HEATR1: variants seen among roughly 807,000 people sequenced by gnomAD.
The protein encoded by HEATR1 is HEAT repeat containing 1.
In HEATR1, 77 loss-of-function variants were observed where a neutral mutation model predicts 248.2. The observed-to-expected ratio is 0.31, with a 90% confidence interval of 0.26 to 0.37. The LOEUF (loss-of-function observed/expected upper bound fraction) is 0.37. Ranked by LOEUF, HEATR1 falls within the 10% of genes least tolerant of loss-of-function variation. HEATR1 has a pLI of 1.00. For synonymous variants in HEATR1, 897 were observed against 923.1 expected, an observed-to-expected ratio of 0.97 and a Z score of 0.51; for missense variants, 2,420 against 2,504.9, an observed-to-expected ratio of 0.97 and a Z score of 0.72.
chr1:236,587,253 AAG>A (rs1257028706), intron 14 of HEATR1, 147 bp downstream of exon 14: 1 of 385,430 alleles, frequency 2.6e-6, no homozygotes, highest in Non-Finnish European at 4.8e-6. Flanking sequence ...TGTATAATGA[AAG>A]AGAGTATTAC....
In HEATR1 at chr1:236,558,566, C is replaced by T. The variant is rs115286924; in HGVS notation, c.4912-37G>A. On this transcript the variant is annotated intron_variant, in intron 35 of 44. Coordinates refer to ENST00000366582, the MANE Select transcript of HEATR1 (RefSeq NM_018072.6). The stretch of plus-strand genomic sequence containing the variant: ...AGCCAGAATCCCCAAATCATTAAAG[C>T]TGCAAAAAATGTTTGTCCATTTTCC... 1.1e-3 allele frequency: 1,740 copies of T among 1,562,700 alleles called. 9 individuals carry two copies. The African/African-American group carries it at 0.016, about 15-fold the overall frequency.
chr1:236,558,083 C>T lies in HEATR1; in HGVS notation c.5204+154G>A, dbSNP rs183133112. Among the ~76,000 whole-genome samples the T allele has an allele frequency of 6.9e-4, 105 of 152,082 alleles. 1 individual carries two copies. The highest frequency in any genetic ancestry group is 2.2e-3 in the African/African-American group (90 of 41,494). ...CCTCCCAAAGTGGTGGGATCACAGC[C>T]GTGAGCCACCACACCCTGCAAGATC... On this transcript the variant is annotated intron_variant, in intron 36 of 44. Transcript: ENST00000366582.
intron 26 of HEATR1, 52 bp downstream of exon 26, chr1:236,572,359 G>A (rs553609207): frequency 3.8e-6 from 6 of 1,559,156 alleles, no homozygotes; most frequent in Admixed American, 1.8e-5. Context: ...TAGATAAGAT[G>A]GGCAAGAATT....
At chr1:236,596,737 A>G (rs900268071) in intron 6 of HEATR1, 99 bp downstream of exon 6, 11 of 1,163,906 alleles carry the variant, frequency 9.5e-6, no homozygotes, top group Non-Finnish European at 1.3e-5. Context: ...TCTGAAATAA[A>G]CTGTCAATTT....
At chr1:236,600,558 G>A (rs1156360460) in intron 3 of HEATR1, among the ~76,000 whole-genome samples, 2 of 146,452 alleles carry the variant, frequency 1.4e-5, no homozygotes. Context: ...TTTTTCCAGA[G>A]TCTACTTGGT....
chr1:236,591,087 A>G (rs138976998), intron 11 of HEATR1, 133 bp from the exon 12 acceptor site: 21 of 417,048 alleles, frequency 5.0e-5, no homozygotes, highest in Middle Eastern at 5.5e-4. Context: ...CAGAAAACAA[A>G]CAAAAAAATG....
intron 3 of HEATR1, 191 bp downstream of exon 3, chr1:236,602,969 G>T (rs935757362): frequency 1.4e-5 from 8 of 581,602 alleles, no homozygotes; most frequent in Non-Finnish European, 2.4e-5. Flanking sequence ...ATCACCAGTA[G>T]TTCTACTTTT....
chr1:236,604,352 G>T (rs2102804963), intron 1 of HEATR1, 70 bp downstream of exon 1: 1 of 372,108 alleles, frequency 2.7e-6, no homozygotes, highest in Middle Eastern at 7.0e-4. Context: ...CAGATATCCG[G>T]AAAACTCTTA....
Position 236,581,393 on chromosome 1 carries a change from G to C in HEATR1, c.2584C>G (p.Gln862Glu). 2.0e-6 allele frequency: 3 copies of C among 1,497,758 alleles called. No individual in the cohort carries two copies. The highest frequency in any genetic ancestry group is 2.7e-6 in the Non-Finnish European group (3 of 1,124,116). The allele number at this position is 1,497,758 out of a possible 1,614,324, so 92.8% of individuals were successfully genotyped here. Reference sequence around the variant, plus strand: ...AAAACAGAACAGAACTTGAATAACTGAAAAACATCTTCTAGATGCACCTAA... The same window carrying C: ...AAAACAGAACAGAACTTGAATAACTCAAAAACATCTTCTAGATGCACCTAA... ...FIKVHLEDVF[Q>E]LFKFCSVLWT... Residue 862 changes from glutamine (Q) to glutamate (E), a missense_variant, in exon 20 of 45, where the codon CAG becomes GAG. By Grantham distance (29) the Gln-to-Glu change is conservative. Transcript: ENST00000366582.
chr1:236,586,156 A>G, intron 15 of HEATR1, 85 bp downstream of exon 15: 1 of 1,287,732 alleles, frequency 7.8e-7, no homozygotes, highest in Non-Finnish European at 1.1e-6. Flanking sequence ...GCATATAAGC[A>G]TGACCAACAA....
At chr1:236,569,638 T>G (rs2103132782) in intron 28 of HEATR1, among the ~76,000 whole-genome samples, 1 of 152,270 alleles carries the variant, frequency 6.6e-6, no homozygotes, top group Non-Finnish European at 1.5e-5. Context: ...CAGTAACAAG[T>G]ACTGGCAAGG....
intron 33 of HEATR1, 61 bp downstream of exon 33, chr1:236,561,164 G>C (rs1007152105): frequency 1.7e-6 from 2 of 1,186,884 alleles, no homozygotes; most frequent in Non-Finnish European, 1.2e-6. Flanking sequence ...TGTTTTTCCA[G>C]GTTTTCTATA....
rs969497847 is a variant in HEATR1, at chr1:236,598,045, T to C, written c.502-66A>G. The C allele has an allele frequency of 1.5e-5, 15 of 1,000,000 alleles. No homozygotes were observed. The African/African-American group carries it at 2.2e-4, about 15-fold the overall frequency. The allele number at this position is 1,000,000 out of a possible 1,614,324, so 61.9% of individuals were successfully genotyped here. On this transcript the variant is annotated intron_variant, in intron 4 of 44. Transcript: ENST00000366582. Reference sequence around the variant, plus strand: ...CAACTGATCCTTATTTTAAAGCATTTACCCTAGTAATGTCTTCATACTGCT... The same window carrying C: ...CAACTGATCCTTATTTTAAAGCATTCACCCTAGTAATGTCTTCATACTGCT...
rs1572034573 is a variant in HEATR1, at chr1:236,561,355, C to T, written c.4600-84G>A. 5 of 1,045,658 alleles carry T rather than the reference C, an allele frequency of 4.8e-6. No homozygotes were observed. The East Asian group carries it at 1.2e-4, about 25-fold the overall frequency. The allele number at this position is 1,045,658 out of a possible 1,614,324, so 64.8% of individuals were successfully genotyped here. A position where few individuals can be genotyped will look rare whatever the true frequency, so the allele number is the denominator to read the frequency against. On this transcript the variant is annotated intron_variant, in intron 32 of 44. Coordinates refer to ENST00000366582, the MANE Select transcript of HEATR1 (RefSeq NM_018072.6). ...CAAGTCAGTTCAATGAAACTCGGAC[C>T]ATTCACTGAAACCTTCCACAGCAAC...
At chr1:236,579,268 C>T (rs1392376955) in intron 20 of HEATR1, among the ~76,000 whole-genome samples, 1 of 152,226 alleles carries the variant, frequency 6.6e-6, no homozygotes, top group Non-Finnish European at 1.5e-5. Context: ...CCCCCTGCAG[C>T]TGCAATGTAT....
At position 236,550,952 on chromosome 1, in the gene HEATR1, T is replaced by C. The variant is rs769374782; in HGVS notation, c.6385A>G (p.Ile2129Val). ...CCCAGGACAGTTTCCAGTTGCTGAA[T>C]AGTCTTTTGGCACTGATGTTCTACT... is the stretch of plus-strand genomic sequence containing the variant. ...EEVEHQCQKT[I>V]QQLETVLGEP... Residue 2129 changes from isoleucine (I) to valine (V), a missense_variant, in exon 45 of 45, where the codon ATT becomes GTT. Transcript: ENST00000366582. The C allele has an allele frequency of 3.1e-6, 5 of 1,605,974 alleles. No homozygotes were observed. The South Asian group carries it at 5.6e-5, about 18-fold the overall frequency.
intron 20 of HEATR1, among the ~76,000 whole-genome samples, chr1:236,580,680 C>CTAAAA (rs1663701032): frequency 6.6e-6 from 1 of 151,992 alleles, no homozygotes; most frequent in Non-Finnish European, 1.5e-5. Flanking sequence ...TCACGCCCAG[C>CTAAAA]TAATTTTTGT....
Position 236,555,670 on chromosome 1 carries a change from G to A in HEATR1, c.5650-15C>T. On this transcript the variant is annotated splice_polypyrimidine_tract_variant and intron_variant, in intron 39 of 44. Transcript: ENST00000366582. ...TCCAGATCGTTCTGAAAACAGAAGA[G>A]CCCATTTATTAGAGTGCTGATACCT... 6.2e-7 allele frequency: 1 copy of A among 1,612,650 alleles called. No homozygotes were observed. Among genetic ancestry groups the A allele is most frequent in the South Asian group, 1.1e-5 (1 of 91,034 alleles).
At chr1:236,572,984 C>G in intron 24 of HEATR1, among the ~76,000 whole-genome samples, 156 bp from the exon 25 acceptor site, 1 of 152,260 alleles carries the variant, frequency 6.6e-6, no homozygotes, top group African/African-American at 2.4e-5. Flanking sequence ...ATGCTACTAC[C>G]TTGTTACAGA....
Sources: allele counts gnomAD v4.1 joint callset (sites outside exome capture counted in the v4.1 genomes callset), GRCh38; gene constraint gnomAD v4.1.1; transcripts MANE v1.5; gene names NCBI Gene and HGNC (gene_info 2026-07-23, HGNC 2026-07-21).